The following CHD5 variants were observed in gnomAD, a reference collection of about 807,000 sequenced individuals.
The protein encoded by CHD5 is chromodomain helicase DNA binding protein 5.
In CHD5, 69 loss-of-function variants were observed where a neutral mutation model predicts 230.3. The observed-to-expected ratio is 0.30, with a 90% confidence interval of 0.25 to 0.37. The LOEUF is 0.37. Ranked by LOEUF, CHD5 falls within the 10% of genes least tolerant of loss-of-function variation. CHD5 has a pLI of 1.00. For synonymous variants in CHD5, 1,064 were observed against 1,065.9 expected (o/e 1.00, Z 0.03); for missense variants, 1,827 against 2,622.8 (o/e 0.70, Z 6.63).
chr1:6,109,928 C>A lies in CHD5; in HGVS notation c.5445G>T (p.Thr1815=), dbSNP rs116111541. 19 of 1,605,738 alleles carry A rather than the reference C, an allele frequency of 1.2e-5. No homozygotes were observed. In the Middle Eastern group the frequency reaches 1.2e-3, roughly 99 times the overall value. ...QLRRAAYLNM[T]QDPNHPAMAL... is the part of the protein sequence containing the mutation. ...CCATGGCGGGGTGGTTGGGGTCCTG[C>A]GTCATGTTCAGGTACGCGGCCCTCC... Residue 1815 remains threonine (T), a synonymous_variant, in exon 38 of 42, where the codon ACG becomes ACT. Transcript: ENST00000262450.
In CHD5 at chr1:6,126,648, G is replaced by A. The variant is rs746615245; in HGVS notation, c.4002C>T (p.Asp1334=). ...TGCCCTTGCCCAGGTTGCGGGCCAG[G>A]TCCTCCTGCTGCTGCTCATAGTGGT... ...LRHHYEQQQE[D]LARNLGKGKR... The change falls in exon 26 of 42, where the codon GAC becomes GAT. Residue 1334 remains aspartate, a synonymous_variant. Coordinates refer to ENST00000262450, the MANE Select transcript of CHD5 (RefSeq NM_015557.3). The surrounding 1 kb of genome is among the most constrained non-coding windows in gnomAD (Gnocchi z 5.7). The A allele has an allele frequency of 8.1e-6, 13 of 1,613,892 alleles. No individual in the cohort carries two copies. In the African/African-American group the frequency reaches 1.7e-4, roughly 22 times the overall value.
At chr1:6,172,644 C>G (rs11809897) in intron 1 of CHD5, among the ~76,000 whole-genome samples, 37,174 of 152,058 alleles carry the variant, frequency 0.24, 7,738 homozygotes, top group African/African-American at 0.57. Context: ...AAGTCTCTCC[C>G]CCAGCACCCT....
At chr1:6,152,167 C>A (rs1195735240) in intron 6 of CHD5, among the ~76,000 whole-genome samples, 3 of 152,220 alleles carry the variant, frequency 2.0e-5, no homozygotes, top group Non-Finnish European at 2.9e-5. Flanking sequence ...CAGGGGAGCA[C>A]TCCCTGCCCA....
chr1:6,159,599 C>A (rs1158201889), intron 2 of CHD5, 84 bp from the exon 3 acceptor site: 2 of 1,130,868 alleles, frequency 1.8e-6, no homozygotes, highest in African/African-American at 1.6e-5. Flanking sequence ...CTGAGAGCTA[C>A]CTCCTGGCCC....
rs201155895 is a variant in CHD5 at position 6,109,946 on chromosome 1, G to A, written c.5427C>T (p.Ala1809=). ...ALVIEEQLRR[A]AYLNMTQDPN... ...GGTCCTGCGTCATGTTCAGGTACGC[G>A]GCCCTCCGGAGCTGCTCCTCAATGA... The change falls in exon 38 of 42, where the codon GCC becomes GCT. Residue 1809 remains alanine (A), a synonymous_variant. Coordinates refer to ENST00000262450, the MANE Select transcript of CHD5 (RefSeq NM_015557.3). 192 of 1,589,490 alleles carry A rather than the reference G, an allele frequency of 1.2e-4. No homozygotes were observed. Among genetic ancestry groups the A allele is most frequent in the African/African-American group, 5.4e-4 (40 of 74,502 alleles).
intron 33 of CHD5, among the ~76,000 whole-genome samples, chr1:6,114,671 A>G (rs1056160381): frequency 2.0e-5 from 3 of 152,126 alleles, no homozygotes; most frequent in Non-Finnish European, 4.4e-5. Flanking sequence ...TCTAAAATAA[A>G]TATGTCTAGG....
intron 2 of CHD5, among the ~76,000 whole-genome samples, chr1:6,163,546 C>T (rs1292371060): frequency 6.6e-6 from 1 of 152,238 alleles, no homozygotes; most frequent in Non-Finnish European, 1.5e-5. Context: ...AAAATCTCTC[C>T]TTGCAGAGAA....
chr1:6,108,505 AATG>A (rs1441799072), intron 38 of CHD5, among the ~76,000 whole-genome samples: 1 of 135,260 alleles, frequency 7.4e-6, no homozygotes, highest in Non-Finnish European at 1.6e-5. Context: ...GGGATGAAGC[AATG>A]ATGGAGATGA....
rs554429472 is a variant in CHD5, at chr1:6,155,338, C to A, written c.506+261G>T. The stretch of plus-strand genomic sequence containing the variant: ...GCTGAGAGGCCATGGTGGTGAAAGA[C>A]CCCCCAGGAAAGACTGGAACCACCT... On this transcript the variant is annotated intron_variant, in intron 4 of 41. Coordinates refer to ENST00000262450, the MANE Select transcript of CHD5 (RefSeq NM_015557.3). This position sits in a 1 kb window ranked among gnomAD's most constrained non-coding sequence, Gnocchi z 4.0. 3.2e-4 allele frequency among the ~76,000 whole-genome samples: 49 copies of A among 152,194 alleles called. No individual in the cohort carries two copies. The highest frequency in any genetic ancestry group is 2.3e-3 in the South Asian group (11 of 4,832).
rs1197559748 is a variant in CHD5 at position 6,167,058 on chromosome 1, C to T, written c.207+1092G>A. The stretch of plus-strand genomic sequence containing the variant: ...CGGGCCCAGCGCTGCCAAGGGCACC[C>T]CCTTAGCATTAGCACCTCACCTCAC... On this transcript the variant is annotated intron_variant, in intron 2 of 41. Coordinates refer to ENST00000262450, the MANE Select transcript of CHD5 (RefSeq NM_015557.3). The surrounding 1 kb of genome is among the most constrained non-coding windows in gnomAD (Gnocchi z 4.5). Among the ~76,000 whole-genome samples the T allele has an allele frequency of 1.3e-5, 2 of 152,212 alleles. No homozygotes were observed. Among genetic ancestry groups the T allele is most frequent in the East Asian group, 1.9e-4 (1 of 5,192 alleles).
Position 6,146,621 on chromosome 1 carries a change from A to ACGAGGGTCCAGGGCTCT in CHD5, c.1590+43_1590+44insAGAGCCCTGGACCCTCG. On this transcript the variant is annotated intron_variant, in intron 10 of 41. Transcript: ENST00000262450. This position sits in a 1 kb window ranked among gnomAD's most constrained non-coding sequence, Gnocchi z 5.1. ...GCCAGCCCAGGAGGGTCCAGGGCTC[A>ACGAGGGTCCAGGGCTCT]CCAGGTCCCGGGCCTTAGCACAGCC... 6.3e-7 allele frequency: 1 copy of ACGAGGGTCCAGGGCTCT among 1,595,142 alleles called. No individual in the cohort carries two copies. Among genetic ancestry groups the ACGAGGGTCCAGGGCTCT allele is most frequent in the Non-Finnish European group, 8.6e-7 (1 of 1,163,448 alleles).
intron 9 of CHD5, 54 bp downstream of exon 9, chr1:6,148,800 G>A: frequency 6.4e-6 from 9 of 1,399,882 alleles, no homozygotes; most frequent in Non-Finnish European, 7.5e-6. Flanking sequence ...TGGGGGCGGG[G>A]CCTGTTCCTG....
chr1:6,163,202 T>A (rs1667204246), intron 2 of CHD5, among the ~76,000 whole-genome samples: 1 of 152,212 alleles, frequency 6.6e-6, no homozygotes, highest in Non-Finnish European at 1.5e-5. Flanking sequence ...GCCCCTTCCC[T>A]GCTGTCACCC....
intron 15 of CHD5, among the ~76,000 whole-genome samples, chr1:6,137,885 A>G (rs1281401277): frequency 1.3e-5 from 2 of 152,212 alleles, no homozygotes; most frequent in African/African-American, 4.8e-5. Flanking sequence ...ACAGGTTCTC[A>G]TTCCCTGCTC....
Position 6,142,392 on chromosome 1 carries a change from GCCGCCTGCC to G in CHD5, c.2235+13_2235+21del, listed in dbSNP as rs1423227195. ...TGGCCAGGACCAGCCACCCCTCCTG[GCCGCCTGCC>G]CCGCCTGCCCACCTCCTTGTAGAGG... On this transcript the variant is annotated intron_variant, in intron 14 of 41. Coordinates refer to ENST00000262450, the MANE Select transcript of CHD5 (RefSeq NM_015557.3). The surrounding 1 kb of genome is among the most constrained non-coding windows in gnomAD (Gnocchi z 5.2). 4.4e-6 allele frequency: 7 copies of G among 1,597,292 alleles called. No homozygotes were observed. Among genetic ancestry groups the G allele is most frequent in the Non-Finnish European group, 6.0e-6 (7 of 1,168,004 alleles).
Position 6,154,628 on chromosome 1 carries a change from G to T in CHD5, c.745+32C>A. 1 of 1,519,934 alleles carries T rather than the reference G, an allele frequency of 6.6e-7. No homozygotes were observed. The highest frequency in any genetic ancestry group is 2.3e-5 in the East Asian group (1 of 43,768). The allele number at this position is 1,519,934 out of a possible 1,614,324, so 94.2% of individuals were successfully genotyped here. A position where few individuals can be genotyped will look rare whatever the true frequency, so the allele number is the denominator to read the frequency against. On this transcript the variant is annotated intron_variant, in intron 5 of 41. Transcript: ENST00000262450. This position sits in a 1 kb window ranked among gnomAD's most constrained non-coding sequence, Gnocchi z 7.0. ...GGTCTGAAAGGGACCTCTTCCCAGC[G>T]GGACTAGGTGCCCACCCAACCCCAG...
At chr1:6,119,204 T>C (rs527900809) in intron 33 of CHD5, among the ~76,000 whole-genome samples, 2 of 152,252 alleles carry the variant, frequency 1.3e-5, no homozygotes, top group East Asian at 1.9e-4. Context: ...TGGAGTGCAG[T>C]GGTGCGACCT....
rs143956519 is a variant in CHD5 at position 6,143,823 on chromosome 1, G to A, written c.2043C>T (p.Asp681=). ...QEKPPDTPIV[D]PTVKFDKQPW... ...CTGCTGCCCCACCCTCCCCACTCACGTCCACAATGGGCGTGTCCGGCGGCT... is the reference window on the plus strand; with the variant it reads ...CTGCTGCCCCACCCTCCCCACTCACATCCACAATGGGCGTGTCCGGCGGCT... The change falls in exon 13 of 42, where the codon GAC becomes GAT. Residue 681 remains aspartate (D), a splice_region_variant and synonymous_variant. Coordinates refer to ENST00000262450, the MANE Select transcript of CHD5 (RefSeq NM_015557.3). 5.6e-4 allele frequency: 599 copies of A among 1,074,340 alleles called. 1 individual carries two copies. In the Middle Eastern group the frequency reaches 8.8e-3, roughly 16 times the overall value. The allele number at this position is 1,074,340 out of a possible 1,614,324, so 66.6% of individuals were successfully genotyped here.
At chr1:6,173,496 G>A (rs1171423758) in intron 1 of CHD5, among the ~76,000 whole-genome samples, 1 of 152,034 alleles carries the variant, frequency 6.6e-6, no homozygotes, top group East Asian at 1.9e-4. Flanking sequence ...GGAGCAACAG[G>A]GGCAGCAGAG....
Sources: allele counts gnomAD v4.1 joint callset (sites outside exome capture counted in the v4.1 genomes callset), GRCh38; gene constraint gnomAD v4.1.1; non-coding constraint Gnocchi (gnomAD v3.1); transcripts MANE v1.5; gene names NCBI Gene and HGNC (gene_info 2026-07-23, HGNC 2026-07-21).